SIPA1L2: variants seen among roughly 807,000 people sequenced by gnomAD.
SIPA1L2 encodes the protein signal-induced proliferation-associated 1-like protein 2.
Under a neutral mutation model 163.9 loss-of-function variants are expected in SIPA1L2, and 56 were observed. The observed-to-expected ratio is 0.34, with a 90% CI of 0.28 to 0.43. The LOEUF (loss-of-function observed/expected upper bound fraction) is 0.43, where lower values mean the gene tolerates loss of function less well. Among genes scored for constraint, SIPA1L2 ranks in the 20% least tolerant of loss-of-function variants. The pLI is 1.00. For synonymous variants in SIPA1L2, 877 were observed against 865.7 expected, an observed-to-expected ratio of 1.01 and a Z score of -0.23; for missense variants, 1,974 against 2,193.5, an observed-to-expected ratio of 0.90 and a Z score of 2.00.
intron 2 of SIPA1L2, among the ~76,000 whole-genome samples, chr1:232,531,786 T>A (rs770665673): frequency 6.6e-6 from 1 of 152,008 alleles, no homozygotes; most frequent in Non-Finnish European, 1.5e-5. Flanking sequence ...GGTGCCGGTA[T>A]GGGCGTTAAC....
chr1:232,609,316 T>C (rs951814509), intron 1 of SIPA1L2, among the ~76,000 whole-genome samples: 7 of 152,210 alleles, frequency 4.6e-5, no homozygotes, highest in Admixed American at 1.3e-4. Flanking sequence ...AAGATAAATT[T>C]TGAAATTTAT....
intron 3 of SIPA1L2, among the ~76,000 whole-genome samples, chr1:232,500,190 C>T (rs539503168): frequency 2.0e-5 from 3 of 152,312 alleles, no homozygotes; most frequent in East Asian, 1.9e-4. Context: ...TTATTGACAA[C>T]GCATCTCATC....
intron 19 of SIPA1L2, among the ~76,000 whole-genome samples, chr1:232,404,471 A>G (rs1660528871): frequency 6.6e-6 from 1 of 152,204 alleles, no homozygotes. Flanking sequence ...GACTCACTCC[A>G]CAAATCCAAA....
intron 18 of SIPA1L2, among the ~76,000 whole-genome samples, chr1:232,417,555 C>G (rs1044076228): frequency 7.9e-5 from 12 of 152,072 alleles, no homozygotes; most frequent in Admixed American, 7.2e-4. Context: ...ACGCAGCACT[C>G]ACTGTTTCCC....
chr1:232,462,032 AG>A (rs1232303051), intron 9 of SIPA1L2, among the ~76,000 whole-genome samples: 1 of 152,174 alleles, frequency 6.6e-6, no homozygotes, highest in African/African-American at 2.4e-5. Context: ...CTAGGGGCTG[AG>A]GGCAGCCCCA....
At chr1:232,507,954 T>C (rs938368792) in intron 3 of SIPA1L2, among the ~76,000 whole-genome samples, 8 of 152,232 alleles carry the variant, frequency 5.3e-5, no homozygotes, top group African/African-American at 1.7e-4. Flanking sequence ...GAAATGTTAA[T>C]GGTGATTATA....
Position 232,483,963 on chromosome 1 carries a change from T to A in SIPA1L2, c.1810A>T (p.Ser604Cys). 1 of 1,606,044 alleles carries A rather than the reference T, an allele frequency of 6.2e-7. No homozygotes were observed. The highest frequency in any genetic ancestry group is 8.5e-7 in the Non-Finnish European group (1 of 1,177,834). Residue 604 changes from serine to cysteine, a missense_variant, in exon 6 of 23, where the codon AGC becomes TGC. Coordinates refer to ENST00000674635, the MANE Select transcript of SIPA1L2 (RefSeq NM_020808.5). The part of the protein sequence containing the change: ...QLLKLDEQGL[S>C]FQHKIGILYC... ...AGGATCCCGATCTTGTGCTGAAAGC[T>A]CAGCTGAAATGGGGGAGAAATATAA...
chr1:232,422,524 G>C (rs1240391810), intron 18 of SIPA1L2, among the ~76,000 whole-genome samples: 1 of 152,130 alleles, frequency 6.6e-6, no homozygotes, highest in Non-Finnish European at 1.5e-5. Flanking sequence ...CTGGTGCTTT[G>C]CCCTGCTACC....
intron 2 of SIPA1L2, among the ~76,000 whole-genome samples, chr1:232,528,291 G>A: frequency 6.6e-6 from 1 of 151,852 alleles, no homozygotes; most frequent in East Asian, 1.9e-4. Flanking sequence ...AAACAGACAA[G>A]GAAAAAGTCT....
At chr1:232,549,067 G>A (rs1156458138) in intron 2 of SIPA1L2, among the ~76,000 whole-genome samples, 4 of 152,270 alleles carry the variant, frequency 2.6e-5, no homozygotes, top group Admixed American at 2.6e-4. Context: ...TCCCCTTACT[G>A]GTCAGGATTT....
intron 1 of SIPA1L2, among the ~76,000 whole-genome samples, chr1:232,597,817 G>T (rs2102845944): frequency 6.6e-6 from 1 of 151,962 alleles, no homozygotes; most frequent in Admixed American, 6.6e-5. Flanking sequence ...GGAGACCTGA[G>T]CAATTTCAGA....
chr1:232,550,134 A>C (rs979139475), intron 2 of SIPA1L2, among the ~76,000 whole-genome samples: 9 of 152,228 alleles, frequency 5.9e-5, no homozygotes, highest in African/African-American at 2.2e-4. Context: ...TGAAATACTT[A>C]TTAACAATGC....
At chr1:232,549,308 G>A (rs950483878) in intron 2 of SIPA1L2, among the ~76,000 whole-genome samples, 5 of 152,126 alleles carry the variant, frequency 3.3e-5, no homozygotes, top group Non-Finnish European at 7.3e-5. Flanking sequence ...CTTAGGACTC[G>A]ACAGCAGATG....
chr1:232,481,046 T>C (rs533563893), intron 6 of SIPA1L2, among the ~76,000 whole-genome samples: 10 of 152,310 alleles, frequency 6.6e-5, no homozygotes, highest in African/African-American at 1.7e-4. Context: ...TGTTTACATA[T>C]AGTTACCAAT....
intron 8 of SIPA1L2, among the ~76,000 whole-genome samples, chr1:232,469,833 C>T (rs1030331215): frequency 6.7e-6 from 1 of 148,588 alleles, no homozygotes; most frequent in Non-Finnish European, 1.5e-5. Flanking sequence ...AATTAAACAA[C>T]TCAGTTTTTT....
Position 232,515,589 on chromosome 1 carries a change from G to A in SIPA1L2, c.-250C>T, listed in dbSNP as rs1048584261. 10 of 426,646 alleles carry A rather than the reference G, an allele frequency of 2.3e-5. No individual in the cohort carries two copies. The highest frequency in any genetic ancestry group is 4.1e-5 in the Non-Finnish European group (10 of 242,578). 26.4% of individuals were successfully genotyped at this position (426,646 alleles called of 1,614,324 possible). A position where few individuals can be genotyped will look rare whatever the true frequency, so the allele number is the denominator to read the frequency against. On this transcript the variant is annotated 5_prime_UTR_variant, in exon 3 of 23. Coordinates refer to ENST00000674635, the MANE Select transcript of SIPA1L2 (RefSeq NM_020808.5). The stretch of plus-strand genomic sequence containing the variant: ...AAGCATTCCTTAAGACATCTGGCTG[G>A]TCATGAGTATTTCCTTCACCTGAAT...
chr1:232,438,998 C>G (rs1662728384), intron 15 of SIPA1L2, 110 bp downstream of exon 15: 1 of 1,174,930 alleles, frequency 8.5e-7, no homozygotes, highest in African/African-American at 1.5e-5. Flanking sequence ...AAAAATTACA[C>G]CAACCTACCT....
intron 3 of SIPA1L2, among the ~76,000 whole-genome samples, chr1:232,509,290 T>C (rs1375877711): frequency 6.6e-6 from 1 of 152,142 alleles, no homozygotes; most frequent in Admixed American, 6.5e-5. Context: ...AACTACCCAA[T>C]AAAGAAGAAA....
At chr1:232,407,477 C>T (rs1272278481) in intron 19 of SIPA1L2, among the ~76,000 whole-genome samples, 1 of 152,116 alleles carries the variant, frequency 6.6e-6, no homozygotes, top group Non-Finnish European at 1.5e-5. Context: ...TTTAAGAAAC[C>T]AAGGGCCTAA....
Sources: gnomAD v4.1 joint callset for allele counts (sites outside exome capture counted in the v4.1 genomes callset) on GRCh38, gnomAD v4.1.1 for gene constraint, MANE v1.5 for transcripts, NCBI Gene and HGNC (gene_info 2026-07-23, HGNC 2026-07-21) for gene names.